GNS: variants seen among roughly 807,000 people sequenced by gnomAD.
GNS encodes the protein glucosamine (N-acetyl)-6-sulfatase, also known as N-acetylglucosamine-6-sulfatase.
In GNS, 40 loss-of-function variants were observed where a neutral mutation model predicts 69.7. The ratio of observed to expected loss-of-function variants is 0.57; its 90% CI spans 0.45 to 0.75. GNS has a LOEUF of 0.75. Ranked by LOEUF, GNS falls within the 30% of genes least tolerant of loss-of-function variation. GNS has a pLI of 0.00. For synonymous variants in GNS, 243 were observed against 251.6 expected (o/e 0.97, Z 0.32); for missense variants, 565 against 685.5 (o/e 0.82, Z 1.96).
intron 2 of GNS, among the ~76,000 whole-genome samples, chr12:64,749,723 C>T (rs1335956714): frequency 1.3e-5 from 2 of 152,140 alleles, no homozygotes; most frequent in African/African-American, 4.8e-5. Context: ...GTTACAAATA[C>T]TTCCCATTTT....
chr12:64,717,515 CTAATT>C (rs1216233509), intron 13 of GNS, among the ~76,000 whole-genome samples: 1 of 125,164 alleles, frequency 8.0e-6, no homozygotes, highest in African/African-American at 2.8e-5. Flanking sequence ...CCACACCTGG[CTAATT>C]TTTTTTTTTT....
At chr12:64,752,305 C>T (rs1238482186) in intron 2 of GNS, among the ~76,000 whole-genome samples, 2 of 152,154 alleles carry the variant, frequency 1.3e-5, no homozygotes, top group Non-Finnish European at 2.9e-5. Flanking sequence ...ATTGCTAATA[C>T]TTTATTTTGA....
chr12:64,739,359 A>G (rs1397023447), intron 8 of GNS, 22 bp downstream of exon 8: 1 of 1,067,458 alleles, frequency 9.4e-7, no homozygotes, highest in South Asian at 1.2e-5. Flanking sequence ...AGATCACAGC[A>G]GTACCTACTC....
intron 13 of GNS, among the ~76,000 whole-genome samples, chr12:64,719,816 T>C (rs1443401626): frequency 6.6e-6 from 1 of 152,196 alleles, no homozygotes; most frequent in Non-Finnish European, 1.5e-5. Flanking sequence ...GCTGTACCTC[T>C]GGCTAAAGTA....
Position 64,729,024 on chromosome 12 carries a change from T to C in GNS, c.1132A>G (p.Ile378Val). 2 of 1,596,576 alleles carry C rather than the reference T, an allele frequency of 1.3e-6. No individual in the cohort carries two copies. The highest frequency in any genetic ancestry group is 1.7e-6 in the Non-Finnish European group (2 of 1,164,036). The change falls in exon 10 of 14, where the codon ATT becomes GTT. Residue 378 changes from isoleucine to valine, a missense_variant. Physicochemically the swap from Ile to Val is conservative, Grantham distance 29 (BLOSUM62 3). This residue lies in a region of GNS where 384 missense variants were observed against 511.0 expected (regional missense o/e 0.75). Transcript: ENST00000258145. ...AGGTCGTAGCCAGCAATGTCCAAAA[T>C]AGTAGGACCCAAGTCAATGTTGGCA... ...LVANIDLGPT[I>V]LDIAGYDLNK... is the part of the protein sequence containing the mutation.
intron 9 of GNS, among the ~76,000 whole-genome samples, chr12:64,732,825 G>A (rs1349024928): frequency 6.6e-6 from 1 of 151,438 alleles, no homozygotes; most frequent in African/African-American, 2.4e-5. Context: ...TCAAATTCTT[G>A]ACCTCAGGTG....
intron 2 of GNS, among the ~76,000 whole-genome samples, chr12:64,750,790 G>A (rs143843006): frequency 2.0e-5 from 3 of 152,088 alleles, no homozygotes; most frequent in Non-Finnish European, 4.4e-5. Context: ...CCTGTAGTCC[G>A]AGTTACTTGG....
intron 3 of GNS, 44 bp downstream of exon 3, chr12:64,747,668 T>C: frequency 2.9e-6 from 3 of 1,034,834 alleles, no homozygotes; most frequent in Non-Finnish European, 4.6e-6. Context: ...TATATTCACA[T>C]TTTAAAAGCC....
chr12:64,723,873 G>A (rs1340309919), intron 10 of GNS, among the ~76,000 whole-genome samples: 1 of 152,198 alleles, frequency 6.6e-6, no homozygotes, highest in Non-Finnish European at 1.5e-5. Context: ...AAAAGGCCCT[G>A]AACATCATGC....
At chr12:64,724,896 A>G (rs1408272126) in intron 10 of GNS, among the ~76,000 whole-genome samples, 1 of 152,180 alleles carries the variant, frequency 6.6e-6, no homozygotes, top group Non-Finnish European at 1.5e-5. Context: ...TGATGCTGCC[A>G]AACCTGAGCC....
chr12:64,744,775 G>T, intron 5 of GNS, 34 bp downstream of exon 5: 1 of 951,390 alleles, frequency 1.1e-6, no homozygotes, highest in Non-Finnish European at 1.7e-6. Context: ...AGCCAACCCT[G>T]TAAGGACAGA....
At position 64,720,159 on chromosome 12, in the gene GNS, C is replaced by G; in HGVS notation, c.1443G>C (p.Leu481=). Residue 481 remains leucine, a synonymous_variant, in exon 13 of 14, where the codon CTG becomes CTC. Coordinates refer to ENST00000258145, the MANE Select transcript of GNS (RefSeq NM_002076.4). The part of the protein sequence containing the change: ...DQEVFVEVYN[L]TADPDQITNI... ...TAGTGATCTGGTCTGGGTCTGCAGT[C>G]AGATTATAGACTTCTACAAACACCT... 1 of 1,604,786 alleles carries G rather than the reference C, an allele frequency of 6.2e-7. No individual in the cohort carries two copies. The highest frequency in any genetic ancestry group is 8.5e-7 in the Non-Finnish European group (1 of 1,171,860).
chr12:64,729,103 T>C (rs1463847053), intron 9 of GNS, 46 bp from the exon 10 acceptor site: 2 of 1,019,262 alleles, frequency 2.0e-6, no homozygotes, highest in Non-Finnish European at 1.6e-6. Flanking sequence ...CTGGTCTCAT[T>C]TTCCTTTTCT....
intron 7 of GNS, 55 bp downstream of exon 7, chr12:64,740,551 C>A (rs1217085631): frequency 1.1e-6 from 1 of 915,586 alleles, no homozygotes; most frequent in South Asian, 1.3e-5. Flanking sequence ...TCTTCATGAG[C>A]TGATTTGCAG....
chr12:64,739,573 A>C, intron 7 of GNS, 74 bp from the exon 8 acceptor site: 2 of 745,952 alleles, frequency 2.7e-6, no homozygotes, highest in South Asian at 3.0e-5. Flanking sequence ...CCAAAAAAAA[A>C]AAAAACCAAA....
At chr12:64,738,826 C>CGAA (rs1869634051) in intron 8 of GNS, among the ~76,000 whole-genome samples, 1 of 150,964 alleles carries the variant, frequency 6.6e-6, no homozygotes, top group African/African-American at 2.4e-5. Flanking sequence ...ACCAGCCCCC[C>CGAA]AAAAAAATCA....
chr12:64,742,549 A>C (rs1027305130), intron 6 of GNS, among the ~76,000 whole-genome samples: 1 of 152,226 alleles, frequency 6.6e-6, no homozygotes, highest in Non-Finnish European at 1.5e-5. Flanking sequence ...TTTATGACTC[A>C]TTCTTTCTAT....
chr12:64,753,389 G>C (rs1258928110), intron 1 of GNS, among the ~76,000 whole-genome samples: 1 of 152,168 alleles, frequency 6.6e-6, no homozygotes, highest in Non-Finnish European at 1.5e-5. Context: ...CAAAATCTAA[G>C]ATCCTTACAA....
Position 64,714,565 on chromosome 12 carries a change from G to A in GNS, c.*2176C>T, listed in dbSNP as rs1868802979. On this transcript the variant is annotated 3_prime_UTR_variant, in exon 14 of 14. Transcript: ENST00000258145. ...TAGGAAATATACCAAAAATAGAAGA[G>A]CGTAGAGAGGGCTGCACCACATCCT... 6.6e-6 allele frequency: 1 copy of A among 152,180 alleles called. No homozygotes were observed. The highest frequency in any genetic ancestry group is 1.5e-5 in the Non-Finnish European group (1 of 68,038). The allele number at this position is 152,180 out of a possible 1,614,324, so 9.4% of individuals were successfully genotyped here. A position where few individuals can be genotyped will look rare whatever the true frequency, so the allele number is the denominator to read the frequency against.
Sources: allele counts gnomAD v4.1 joint callset (sites outside exome capture counted in the v4.1 genomes callset), GRCh38; gene constraint gnomAD v4.1.1; regional missense constraint gnomAD v4.1.1; transcripts MANE v1.5; gene names NCBI Gene and HGNC (gene_info 2026-07-23, HGNC 2026-07-21).